ENOX1: variants seen among roughly 807,000 people sequenced by gnomAD.
ENOX1 encodes candidate growth-related and time keeping constitutive hydroquinone (NADH) oxidase.
Under a neutral mutation model 82.5 loss-of-function variants are expected in ENOX1, and 42 were observed. The ratio of observed to expected loss-of-function variants is 0.51; its 90% CI spans 0.40 to 0.66. ENOX1 has a LOEUF of 0.66. Among genes scored for constraint, ENOX1 ranks in the 30% least tolerant of loss-of-function variants. The pLI is 0.00. For synonymous variants in ENOX1, 271 were observed against 282.2 expected (o/e 0.96, Z 0.40); for missense variants, 608 against 811.6 (o/e 0.75, Z 3.05).
At chr13:43,741,613 T>TTAAGTTG (rs1358410248) in intron 1 of ENOX1, among the ~76,000 whole-genome samples, 9 of 152,230 alleles carry the variant, frequency 5.9e-5, no homozygotes, top group Non-Finnish European at 1.5e-5. Context: ...TTAAGTTGCA[T>TTAAGTTG]GAGTTCTTTA....
chr13:43,579,965 G>A (rs577964593), intron 2 of ENOX1, among the ~76,000 whole-genome samples: 3 of 152,222 alleles, frequency 2.0e-5, no homozygotes, highest in Admixed American at 2.0e-4. Context: ...AATACAGCCA[G>A]CAAGGAGGGT....
chr13:43,610,408 G>A (rs1457944454), intron 2 of ENOX1, among the ~76,000 whole-genome samples: 2 of 152,136 alleles, frequency 1.3e-5, no homozygotes, highest in Non-Finnish European at 2.9e-5. Context: ...TGTGAATGCT[G>A]AGAAAGGCTA....
At chr13:43,257,452 T>A (rs1267614149) in intron 14 of ENOX1, among the ~76,000 whole-genome samples, 1 of 152,190 alleles carries the variant, frequency 6.6e-6, no homozygotes, top group African/African-American at 2.4e-5. Flanking sequence ...AAAACCTATT[T>A]AATAACATGG....
At chr13:43,716,708 A>G (rs919405882) in intron 1 of ENOX1, among the ~76,000 whole-genome samples, 1 of 152,154 alleles carries the variant, frequency 6.6e-6, no homozygotes, top group Non-Finnish European at 1.5e-5. Flanking sequence ...TCAATGTACA[A>G]AAATCAGTAG....
At chr13:43,288,034 C>T (rs941541981) in intron 12 of ENOX1, among the ~76,000 whole-genome samples, 2 of 152,160 alleles carry the variant, frequency 1.3e-5, no homozygotes, top group South Asian at 2.1e-4. Flanking sequence ...TGACCTTGAA[C>T]AGCCTAAAGA....
chr13:43,346,589 A>T (rs1252738827), intron 8 of ENOX1, among the ~76,000 whole-genome samples: 3 of 152,202 alleles, frequency 2.0e-5, no homozygotes, highest in African/African-American at 7.2e-5. Flanking sequence ...TTTCAGTCTA[A>T]GTTCAACCCT....
At chr13:43,570,492 C>A (rs2080129426) in intron 2 of ENOX1, among the ~76,000 whole-genome samples, 1 of 151,928 alleles carries the variant, frequency 6.6e-6, no homozygotes, top group South Asian at 2.1e-4. Context: ...ACCTCAGAGG[C>A]CAAGGACATT....
intron 2 of ENOX1, among the ~76,000 whole-genome samples, chr13:43,557,277 T>C (rs2079481645): frequency 6.6e-6 from 1 of 152,164 alleles, no homozygotes; most frequent in African/African-American, 2.4e-5. Context: ...GCAGATTTCA[T>C]GTATGGCCAG....
intron 16 of ENOX1, among the ~76,000 whole-genome samples, chr13:43,220,273 G>A (rs1389169236): frequency 6.6e-6 from 1 of 151,798 alleles, no homozygotes; most frequent in Non-Finnish European, 1.5e-5. Flanking sequence ...AGAAAGGGTG[G>A]GTAGAAAGAG....
chr13:43,282,885 G>A (rs975870832), intron 12 of ENOX1, among the ~76,000 whole-genome samples: 1 of 150,020 alleles, frequency 6.7e-6, no homozygotes, highest in African/African-American at 2.4e-5. Flanking sequence ...GAGGTCAGGA[G>A]TTTGAGACCA....
chr13:43,499,530 C>T (rs2076907335), intron 2 of ENOX1, among the ~76,000 whole-genome samples: 1 of 152,038 alleles, frequency 6.6e-6, no homozygotes, highest in Non-Finnish European at 1.5e-5. Flanking sequence ...CCCGGCCCAC[C>T]CACAGCCCTC....
intron 3 of ENOX1, among the ~76,000 whole-genome samples, chr13:43,447,440 TA>T (rs2056712465): frequency 6.6e-6 from 1 of 152,050 alleles, no homozygotes; most frequent in Non-Finnish European, 1.5e-5. Context: ...CTTAAGGCAC[TA>T]GAGTATGGAA....
intron 1 of ENOX1, among the ~76,000 whole-genome samples, chr13:43,765,911 T>C (rs1347082870): frequency 2.0e-5 from 3 of 152,244 alleles, no homozygotes; most frequent in South Asian, 2.1e-4. Flanking sequence ...AGTCTGCCTA[T>C]ACTCAATTTC....
intron 3 of ENOX1, among the ~76,000 whole-genome samples, chr13:43,433,009 T>TG (rs112369005): frequency 0.018 from 2,669 of 152,166 alleles, 64 homozygotes; most frequent in African/African-American, 0.06. Flanking sequence ...GATGTTGATA[T>TG]GGGGGAGACC....
chr13:43,463,200 C>A (rs1164172644), intron 3 of ENOX1, among the ~76,000 whole-genome samples: 1 of 152,196 alleles, frequency 6.6e-6, no homozygotes, highest in African/African-American at 2.4e-5. Context: ...CACACACACT[C>A]ATGTTGCCTT....
rs981668180 is a variant in ENOX1 at position 43,658,780 on chromosome 13, C to T, written c.-219+8699G>A. The stretch of plus-strand genomic sequence containing the variant: ...TTTACCATCACCTGTGAATTCTTTT[C>T]GCCTCGCTCTTGTGTTGGTCCTATC... On this transcript the variant is annotated intron_variant, in intron 2 of 16. Transcript: ENST00000690772. Among the ~76,000 whole-genome samples the T allele has an allele frequency of 7.2e-5, 11 of 152,276 alleles. No homozygotes were observed. In the East Asian group the frequency reaches 9.6e-4, roughly 13 times the overall value.
chr13:43,228,247 G>C (rs1254485080), intron 15 of ENOX1, among the ~76,000 whole-genome samples: 3 of 151,922 alleles, frequency 2.0e-5, no homozygotes, highest in Admixed American at 1.3e-4. Context: ...CTAAAGGCTT[G>C]GTAAAATGAA....
intron 2 of ENOX1, among the ~76,000 whole-genome samples, chr13:43,643,625 G>GTA (rs1343327757): frequency 2.9e-4 from 42 of 144,106 alleles, no homozygotes; most frequent in Non-Finnish European, 4.5e-5. Context: ...ATGTATGTAT[G>GTA]TGTGTGTGTA....
chr13:43,674,491 C>T (rs1227788798), intron 1 of ENOX1, among the ~76,000 whole-genome samples: 1 of 152,056 alleles, frequency 6.6e-6, no homozygotes, highest in Admixed American at 6.5e-5. Flanking sequence ...GAAAAGGCCG[C>T]ATACTATACC....
Sources: allele counts gnomAD v4.1 joint callset (sites outside exome capture counted in the v4.1 genomes callset), GRCh38; gene constraint gnomAD v4.1.1; transcripts MANE v1.5; gene names NCBI Gene and HGNC (gene_info 2026-07-23, HGNC 2026-07-21).